Variants in ANK3 observed in about 807,000 individuals in gnomAD.
ANK3 encodes ankyrin-3.
In ANK3, 57 loss-of-function variants were observed where a neutral mutation model predicts 370.9. The observed-to-expected ratio is 0.15, with a 90% CI of 0.12 to 0.19. ANK3 has a LOEUF of 0.19. Among genes scored for constraint, ANK3 ranks in the 10% least tolerant of loss-of-function variants. ANK3 has a pLI of 1.00. For missense variants in ANK3, 4,439 were observed against 5,302.1 expected, an observed-to-expected ratio of 0.84 and a Z score of 5.06; for synonymous variants, 1,929 against 1,946.3, an observed-to-expected ratio of 0.99 and a Z score of 0.23.
At chr10:60,637,602 C>T (rs2078572380) in intron 1 of ANK3, among the ~76,000 whole-genome samples, 1 of 152,042 alleles carries the variant, frequency 6.6e-6, no homozygotes, top group Non-Finnish European at 1.5e-5. Flanking sequence ...TTAACATGGC[C>T]TTCTCTGACA....
chr10:60,293,573 G>A (rs2041918308), intron 1 of ANK3, among the ~76,000 whole-genome samples: 1 of 151,868 alleles, frequency 6.6e-6, no homozygotes, highest in African/African-American at 2.4e-5. Flanking sequence ...TAGAATTTGG[G>A]TTCCCTGGCT....
At chr10:60,396,893 T>C (rs2063251701) in intron 2 of ANK3, among the ~76,000 whole-genome samples, 1 of 152,342 alleles carries the variant, frequency 6.6e-6, no homozygotes, top group African/African-American at 2.4e-5. Flanking sequence ...ACATACACGC[T>C]GTGATGCTGA....
At chr10:60,484,372 A>G (rs2075298625) in intron 2 of ANK3, among the ~76,000 whole-genome samples, 1 of 152,216 alleles carries the variant, frequency 6.6e-6, no homozygotes, top group Non-Finnish European at 1.5e-5. Context: ...GGAAATTTGA[A>G]TGAATGGGAA....
At chr10:60,172,173 C>T in intron 21 of ANK3, 135 bp downstream of exon 21, 2 of 628,484 alleles carry the variant, frequency 3.2e-6, no homozygotes, top group Non-Finnish European at 2.8e-6. Context: ...TCCTGACTAC[C>T]AACAATGAGG....
At chr10:60,373,427 G>A (rs2060362177) in intron 1 of ANK3, among the ~76,000 whole-genome samples, 1 of 152,184 alleles carries the variant, frequency 6.6e-6, no homozygotes, top group African/African-American at 2.4e-5. Flanking sequence ...GGTCCTGGGT[G>A]AGACCCTAAA....
In ANK3 at chr10:60,258,721, G is replaced by T. The variant is rs2097768086; in HGVS notation, c.798+3138C>A. Among the ~76,000 whole-genome samples, 4 of 152,136 alleles carry T rather than the reference G, an allele frequency of 2.6e-5. No individual in the cohort carries two copies. In the South Asian group the frequency reaches 8.3e-4, roughly 32 times the overall value. On this transcript the variant is annotated intron_variant, in intron 7 of 43. Coordinates refer to ENST00000280772, the MANE Select transcript of ANK3 (RefSeq NM_020987.5). ...CTTTGCTAGCAGGTGGTCACTCTCT[G>T]GGACATTCCCTCAGTCTACAGTGCT...
chr10:60,682,459 G>C (rs994790483), intron 1 of ANK3, among the ~76,000 whole-genome samples: 5 of 151,652 alleles, frequency 3.3e-5, no homozygotes, highest in Admixed American at 6.6e-5. Context: ...CCAGTTCCTG[G>C]CTCCGGACTC....
At chr10:60,441,278 G>T (rs2064293378) in intron 2 of ANK3, among the ~76,000 whole-genome samples, 1 of 152,038 alleles carries the variant, frequency 6.6e-6, no homozygotes, top group Admixed American at 6.6e-5. Flanking sequence ...GAGAAAAACT[G>T]CCAAATAGCC....
intron 1 of ANK3, among the ~76,000 whole-genome samples, chr10:60,336,613 A>T (rs2053003685): frequency 1.3e-5 from 2 of 152,164 alleles, no homozygotes; most frequent in African/African-American, 4.8e-5. Flanking sequence ...ATATTTAGCT[A>T]GCTGGCTTAT....
At chr10:60,493,691 T>C (rs1209340961) in intron 2 of ANK3, among the ~76,000 whole-genome samples, 2 of 151,844 alleles carry the variant, frequency 1.3e-5, no homozygotes, top group Admixed American at 6.6e-5. Context: ...AAAAATGGGT[T>C]GGCTATATAG....
chr10:60,423,956 A>C (rs1238852505), intron 2 of ANK3, among the ~76,000 whole-genome samples: 1 of 152,076 alleles, frequency 6.6e-6, no homozygotes, highest in African/African-American at 2.4e-5. Context: ...TGAGATTCAC[A>C]TAAGCGTTTT....
intron 2 of ANK3, among the ~76,000 whole-genome samples, chr10:60,561,739 G>A (rs1047703511): frequency 6.6e-6 from 1 of 152,160 alleles, no homozygotes; most frequent in African/African-American, 2.4e-5. Context: ...GCACCACAAG[G>A]CCTTTCCCAA....
intron 42 of ANK3, among the ~76,000 whole-genome samples, chr10:60,052,084 G>T (rs1056450618): frequency 1.3e-5 from 2 of 152,088 alleles, no homozygotes; most frequent in African/African-American, 4.8e-5. Context: ...AATCTAGCTG[G>T]GCACGGTGGC....
At chr10:60,197,090 C>T (rs922406135) in intron 14 of ANK3, among the ~76,000 whole-genome samples, 5 of 152,194 alleles carry the variant, frequency 3.3e-5, no homozygotes, top group African/African-American at 7.2e-5. Context: ...CTCACATCAC[C>T]AGACCAGCCA....
chr10:60,610,825 C>A (rs1480959646), intron 2 of ANK3, among the ~76,000 whole-genome samples: 1 of 152,154 alleles, frequency 6.6e-6, no homozygotes, highest in Non-Finnish European at 1.5e-5. Flanking sequence ...TAGAGTGGCT[C>A]TAGAAAACAG....
intron 2 of ANK3, among the ~76,000 whole-genome samples, chr10:60,503,789 C>T (rs554533393): frequency 3.2e-4 from 49 of 152,210 alleles, no homozygotes; most frequent in African/African-American, 1.1e-3. Context: ...TGTCCAGAGC[C>T]CAAGAAAAAT....
intron 2 of ANK3, among the ~76,000 whole-genome samples, chr10:60,495,692 T>C (rs182397892): frequency 1.1e-4 from 17 of 152,236 alleles, no homozygotes; most frequent in Admixed American, 7.2e-4. Flanking sequence ...GAAATTTCTG[T>C]GATCCTACTG....
At chr10:60,105,106 A>G (rs1479833961) in intron 28 of ANK3, among the ~76,000 whole-genome samples, 1 of 152,214 alleles carries the variant, frequency 6.6e-6, no homozygotes, top group Non-Finnish European at 1.5e-5. Flanking sequence ...TGTTGTTTAA[A>G]TAATTCCTGG....
chr10:60,682,463 C>T (rs759853832), intron 1 of ANK3, among the ~76,000 whole-genome samples: 6 of 151,998 alleles, frequency 3.9e-5, no homozygotes, highest in Middle Eastern at 3.4e-3. Flanking sequence ...TTCCTGGCTC[C>T]GGACTCCCAT....
Sources: gnomAD v4.1 joint callset for allele counts (sites outside exome capture counted in the v4.1 genomes callset) on GRCh38, gnomAD v4.1.1 for gene constraint, MANE v1.5 for transcripts, NCBI Gene and HGNC (gene_info 2026-07-23, HGNC 2026-07-21) for gene names.